The following HIVEP3 variants were observed in gnomAD, a reference collection of about 807,000 sequenced individuals.
HIVEP3 encodes the protein transcription factor HIVEP3.
In HIVEP3, 49 loss-of-function variants were observed where a neutral mutation model predicts 152.8. The observed-to-expected ratio is 0.32, with a 90% CI of 0.26 to 0.41. The LOEUF (loss-of-function observed/expected upper bound fraction) is 0.41, where lower values mean the gene tolerates loss of function less well. HIVEP3 is among the 10% of genes least tolerant of loss of function. The probability of loss-of-function intolerance (pLI) is 1.00; values close to 1 mark genes in which losing one functional copy is unlikely to be tolerated. For missense variants in HIVEP3, 2,790 were observed against 3,103.3 expected (o/e 0.90, Z 2.40); for synonymous variants, 1,269 against 1,289.0 (o/e 0.98, Z 0.33).
intron 5 of HIVEP3, among the ~76,000 whole-genome samples, chr1:41,564,480 A>G (rs2149091794): frequency 6.6e-6 from 1 of 152,282 alleles, no homozygotes; most frequent in Non-Finnish European, 1.5e-5. Context: ...AAACTGACCC[A>G]CACCAAGACC....
At chr1:41,905,859 A>G (rs895684233) in intron 1 of HIVEP3, among the ~76,000 whole-genome samples, 5 of 152,200 alleles carry the variant, frequency 3.3e-5, no homozygotes, top group African/African-American at 9.7e-5. Context: ...GTGACAGGCT[A>G]GCAGGCACAA....
intron 6 of HIVEP3, among the ~76,000 whole-genome samples, chr1:41,521,285 G>A (rs781696957): frequency 2.6e-5 from 4 of 152,238 alleles, no homozygotes; most frequent in African/African-American, 9.6e-5. Flanking sequence ...GCTCTGCCAC[G>A]CACCATGCTG....
At chr1:41,952,545 C>T (rs1645114456) in intron 1 of HIVEP3, among the ~76,000 whole-genome samples, 1 of 152,196 alleles carries the variant, frequency 6.6e-6, no homozygotes, top group South Asian at 2.1e-4. Flanking sequence ...AAGCCCTTGA[C>T]TTTCACCAAA....
intron 1 of HIVEP3, among the ~76,000 whole-genome samples, chr1:42,024,236 C>T (rs1037184915): frequency 1.3e-5 from 2 of 152,180 alleles, no homozygotes; most frequent in Admixed American, 1.3e-4. Flanking sequence ...GGTACATATA[C>T]ATTTCAAACA....
intron 1 of HIVEP3, among the ~76,000 whole-genome samples, chr1:41,772,785 C>T (rs1410092494): frequency 6.6e-6 from 1 of 152,130 alleles, no homozygotes; most frequent in Non-Finnish European, 1.5e-5. Context: ...TGGCAGGTGC[C>T]TATAATCCCA....
At chr1:41,599,019 G>A (rs549389053) in intron 3 of HIVEP3, among the ~76,000 whole-genome samples, 12 of 151,952 alleles carry the variant, frequency 7.9e-5, no homozygotes, top group Non-Finnish European at 1.5e-4. Context: ...GTTTCACCAT[G>A]TTGGCCAAGC....
intron 1 of HIVEP3, among the ~76,000 whole-genome samples, chr1:41,937,131 T>C (rs1369675591): frequency 6.6e-6 from 1 of 152,228 alleles, no homozygotes; most frequent in Non-Finnish European, 1.5e-5. Flanking sequence ...AACAGTCTTC[T>C]TTCCAGTCCT....
At chr1:41,913,890 CAT>C (rs1212177679) in intron 1 of HIVEP3, among the ~76,000 whole-genome samples, 2 of 152,128 alleles carry the variant, frequency 1.3e-5, no homozygotes, top group South Asian at 2.1e-4. Context: ...ATACATAACA[CAT>C]GTTTAAAAAG....
chr1:41,526,800 C>T (rs1331590484), intron 5 of HIVEP3, among the ~76,000 whole-genome samples: 7 of 146,636 alleles, frequency 4.8e-5, no homozygotes, highest in Admixed American at 3.4e-4. Context: ...CTCACACGCT[C>T]ACCCTCACAC....
At chr1:41,634,324 TCAATAGAGAAATCTGTGTAAAAACTAAC>T (rs1453500039) in intron 2 of HIVEP3, among the ~76,000 whole-genome samples, 4 of 152,120 alleles carry the variant, frequency 2.6e-5, no homozygotes, top group African/African-American at 9.7e-5. Flanking sequence ...ATTCTTGACA[TCAATAGAGAAATCTGTGTAAAAACTAAC>T]CATTTCTAGA....
rs377628954 is a variant in HIVEP3, at chr1:41,510,412, G to A, written c.*39C>T. On this transcript the variant is annotated 3_prime_UTR_variant, in exon 9 of 9. Transcript: ENST00000372583. ...AAAGTGGCTGGAAACGTCTGTTGCT[G>A]GACACTGGAAGCCAGATGCTGAAGC... The A allele has an allele frequency of 3.4e-5, 48 of 1,424,956 alleles. No individual in the cohort carries two copies. Among genetic ancestry groups the A allele is most frequent in the Non-Finnish European group, 4.3e-5 (47 of 1,084,508 alleles). The allele number at this position is 1,424,956 out of a possible 1,614,324, so 88.3% of individuals were successfully genotyped here.
Position 42,023,089 on chromosome 1 carries a change from C to G in HIVEP3, n.119+12718G>C, listed in dbSNP as rs113838353. Among the ~76,000 whole-genome samples the G allele has an allele frequency of 3.5e-3, 526 of 152,180 alleles. 2 individuals are homozygous for G. Among genetic ancestry groups the G allele is most frequent in the African/African-American group, 0.012 (505 of 41,508 alleles). ...TCTGTCGTCCAGGCTGGAGTGCAAC[C>G]TCCACCTCCCGGGTTCAAGTGATTC... On this transcript the variant is annotated intron_variant and non_coding_transcript_variant, in intron 1 of 3. Coordinates refer to the HIVEP3 transcript ENST00000489103.
At chr1:41,605,546 GA>G (rs1644811331) in intron 3 of HIVEP3, among the ~76,000 whole-genome samples, 1 of 151,952 alleles carries the variant, frequency 6.6e-6, no homozygotes, top group Non-Finnish European at 1.5e-5. Flanking sequence ...TAGGGAAAGA[GA>G]AAAAAGAACC....
chr1:41,630,150 T>C (rs934459006), intron 2 of HIVEP3, among the ~76,000 whole-genome samples: 14 of 152,198 alleles, frequency 9.2e-5, no homozygotes, highest in African/African-American at 3.4e-4. Context: ...CTGGAGGCCA[T>C]TATCCTAAGA....
At chr1:41,766,921 AC>A (rs1046511464) in intron 1 of HIVEP3, among the ~76,000 whole-genome samples, 5 of 152,146 alleles carry the variant, frequency 3.3e-5, no homozygotes, top group African/African-American at 1.2e-4. Context: ...CAGTGCCCCA[AC>A]CAACCCCGCA....
intron 7 of HIVEP3, among the ~76,000 whole-genome samples, chr1:41,515,334 G>C (rs1462776793): frequency 2.6e-5 from 4 of 152,242 alleles, no homozygotes; most frequent in African/African-American, 9.6e-5. Flanking sequence ...CCGGATGTAG[G>C]TCAAAAGCTA....
intron 1 of HIVEP3, among the ~76,000 whole-genome samples, chr1:41,989,479 A>G (rs528903039): frequency 9.8e-5 from 15 of 152,328 alleles, no homozygotes; most frequent in African/African-American, 3.6e-4. Flanking sequence ...CACAAGAATA[A>G]TATTTTATAG....
chr1:41,611,130 C>G (rs1644891257), intron 3 of HIVEP3, among the ~76,000 whole-genome samples: 1 of 152,170 alleles, frequency 6.6e-6, no homozygotes, highest in Admixed American at 6.5e-5. Context: ...CACTCCTGTT[C>G]TAAACAAAGG....
intron 1 of HIVEP3, among the ~76,000 whole-genome samples, chr1:41,961,828 T>C (rs1043878655): frequency 1.7e-4 from 26 of 152,374 alleles, no homozygotes; most frequent in Admixed American, 1.4e-3. Context: ...TCCAATAGCA[T>C]CTCTATCCCG....
Sources: allele counts gnomAD v4.1 joint callset (sites outside exome capture counted in the v4.1 genomes callset), GRCh38; gene constraint gnomAD v4.1.1; transcripts MANE v1.5; gene names NCBI Gene and HGNC (gene_info 2026-07-23, HGNC 2026-07-21).